ITGAE: variants seen among roughly 807,000 people sequenced by gnomAD.
ITGAE encodes integrin subunit alpha E.
Under a neutral mutation model 136.5 loss-of-function variants are expected in ITGAE, and 99 were observed. That is an observed-to-expected ratio of 0.73 (90% CI 0.62 to 0.86). The LOEUF is 0.86. ITGAE is among the 40% of genes least tolerant of loss of function. ITGAE has a pLI of 0.00. For synonymous variants in ITGAE, 613 were observed against 591.8 expected, an observed-to-expected ratio of 1.04 and a Z score of -0.52; for missense variants, 1,447 against 1,515.3, an observed-to-expected ratio of 0.95 and a Z score of 0.75.
intron 30 of ITGAE, 144 bp from the exon 31 acceptor site, chr17:3,715,086 ATC>A (rs1191492073): frequency 1.6e-6 from 1 of 613,308 alleles, no homozygotes; most frequent in Non-Finnish European, 2.9e-6. Flanking sequence ...CTTACTCTGA[ATC>A]TCTCCTGGAG....
At chr17:3,736,173 G>A (rs1244144348) in intron 20 of ITGAE, among the ~76,000 whole-genome samples, 1 of 151,994 alleles carries the variant, frequency 6.6e-6, no homozygotes, top group Non-Finnish European at 1.5e-5. Flanking sequence ...AGCCAGGTGT[G>A]GTGCAGGCAC....
chr17:3,722,234 C>T (rs1188664516), intron 28 of ITGAE, among the ~76,000 whole-genome samples: 1 of 151,752 alleles, frequency 6.6e-6, no homozygotes, highest in African/African-American at 2.4e-5. Flanking sequence ...GTAATCCCAG[C>T]ACTTTGGGAG....
intron 13 of ITGAE, 137 bp from the exon 14 acceptor site, chr17:3,753,567 A>G: frequency 8.2e-7 from 1 of 1,212,238 alleles, no homozygotes; most frequent in Non-Finnish European, 1.1e-6. Flanking sequence ...AGAGTAACAG[A>G]AGAGTGGAGG....
At chr17:3,735,568 C>T (rs1190949000) in intron 20 of ITGAE, among the ~76,000 whole-genome samples, 1 of 152,144 alleles carries the variant, frequency 6.6e-6, no homozygotes, top group Non-Finnish European at 1.5e-5. Flanking sequence ...CCTTGGCCTC[C>T]CACAGTGCTG....
At chr17:3,747,546 T>A (rs2051746543) in intron 17 of ITGAE, among the ~76,000 whole-genome samples, 1 of 152,112 alleles carries the variant, frequency 6.6e-6, no homozygotes, top group East Asian at 1.9e-4. Context: ...CCTGACCGCG[T>A]GATCTGCCCG....
At position 3,753,845 on chromosome 17, in the gene ITGAE, C is replaced by T. The variant is rs768613734; in HGVS notation, c.1465G>A (p.Val489Met). Residue 489 changes from valine (V) to methionine (M), a missense_variant, in exon 13 of 31, where the codon GTG (valine) becomes ATG (methionine). Coordinates refer to ENST00000263087, the MANE Select transcript of ITGAE (RefSeq NM_002208.5). ...CTGCCCTCCTTCTGGAGCTCAAACA[C>T]GGCCCCATGATGTTTGTACCGTGGA... is the stretch of plus-strand genomic sequence containing the variant. ...GAPRYKHHGAVFELQKEGREA... is the reference protein window; with the variant it reads ...GAPRYKHHGAMFELQKEGREA... 6 of 1,614,056 alleles carry T rather than the reference C, an allele frequency of 3.7e-6. No individual in the cohort carries two copies. The highest frequency in any genetic ancestry group is 1.1e-5 in the South Asian group (1 of 91,090).
rs184355144 is a variant in ITGAE, at chr17:3,761,103, C to G, written c.508G>C (p.Asp170His). The change falls in exon 6 of 31, where the codon GAT becomes CAT. Residue 170 changes from aspartate to histidine, a missense_variant. Around this residue, in one of 3 missense-constraint regions of ITGAE, gnomAD observed 310 missense variants for 416.1 expected, o/e 0.74. Coordinates refer to ENST00000263087, the MANE Select transcript of ITGAE (RefSeq NM_002208.5). Reference protein sequence around the residue: ...YSNKEGGGEDDVNTARQRRAL... With the variant: ...YSNKEGGGEDHVNTARQRRAL... Reference sequence around the variant, plus strand: ...CGGCGCTGCCTGGCTGTGTTCACATCGTCTTCTCCACCGCCTTCTTTGTTG... The same window carrying G: ...CGGCGCTGCCTGGCTGTGTTCACATGGTCTTCTCCACCGCCTTCTTTGTTG... 2 of 1,612,862 alleles carry G rather than the reference C, an allele frequency of 1.2e-6. No homozygotes were observed. Among genetic ancestry groups the G allele is most frequent in the African/African-American group, 1.3e-5 (1 of 74,908 alleles).
intron 23 of ITGAE, among the ~76,000 whole-genome samples, chr17:3,729,808 T>C (rs2051299767): frequency 6.6e-6 from 1 of 152,172 alleles, no homozygotes; most frequent in Non-Finnish European, 1.5e-5. Flanking sequence ...TTGGCCAGGC[T>C]GGTCTCGAAC....
chr17:3,735,794 C>A (rs147240612), intron 20 of ITGAE, among the ~76,000 whole-genome samples: 217 of 152,328 alleles, frequency 1.4e-3, no homozygotes, highest in Non-Finnish European at 3.0e-3. Context: ...CTGCGTCTCA[C>A]ACGCTCAACC....
At position 3,748,622 on chromosome 17, in the gene ITGAE, G is replaced by A. The variant is rs921104645; in HGVS notation, c.2025-570C>T. On this transcript the variant is annotated intron_variant, in intron 16 of 30. Transcript: ENST00000263087. Reference sequence around the variant, plus strand: ...ACAAAAATACGGTAATAAGGACCGAGGGCTACTGAGACTGGGTGGTCACAG... The same window carrying A: ...ACAAAAATACGGTAATAAGGACCGAAGGCTACTGAGACTGGGTGGTCACAG... Among the ~76,000 whole-genome samples, 13 of 152,112 alleles carry A rather than the reference G, an allele frequency of 8.5e-5. 1 individual carries two copies. The East Asian group carries it at 1.9e-3, about 23-fold the overall frequency.
In ITGAE at chr17:3,734,928, G is replaced by A; in HGVS notation, c.2544C>T (p.Leu848=). 1 of 1,614,184 alleles carries A rather than the reference G, an allele frequency of 6.2e-7. No individual in the cohort carries two copies. Among genetic ancestry groups the A allele is most frequent in the Non-Finnish European group, 8.5e-7 (1 of 1,180,022 alleles). ...TAATGTTCAGGGTCAGCTCCTTTGT[G>A]AGACCCACCACCAACTCCTGCCTGC... ...TVSQQELVVG[L]TKELTLNINL... Residue 848 remains leucine, a synonymous_variant, in exon 21 of 31, where the codon CTC becomes CTT. Transcript: ENST00000263087.
At chr17:3,742,436 A>G (rs2051608666) in intron 19 of ITGAE, among the ~76,000 whole-genome samples, 3 of 149,544 alleles carry the variant, frequency 2.0e-5, no homozygotes, top group Non-Finnish European at 1.5e-5. Flanking sequence ...TTTTTAGGAA[A>G]TATATATTGA....
chr17:3,756,400 ATTT>A (rs34579296), intron 10 of ITGAE, among the ~76,000 whole-genome samples: 4 of 119,370 alleles, frequency 3.4e-5, no homozygotes, highest in Non-Finnish European at 1.8e-5. Flanking sequence ...CGCCTGGCTA[ATTT>A]TTTTTTTTTT....
chr17:3,777,294 G>A (rs1302451537), intron 2 of ITGAE, among the ~76,000 whole-genome samples: 1 of 152,176 alleles, frequency 6.6e-6, no homozygotes, highest in African/African-American at 2.4e-5. Flanking sequence ...CCTCCCCCTG[G>A]GCAATGGAGC....
chr17:3,724,346 C>T, intron 26 of ITGAE: 2 of 1,596,434 alleles, frequency 1.3e-6, no homozygotes, highest in South Asian at 2.2e-5. Context: ...GACTTCCGCC[C>T]TTCCCCAGCC....
chr17:3,780,967 G>C (rs548716072), intron 1 of ITGAE, among the ~76,000 whole-genome samples: 4 of 152,288 alleles, frequency 2.6e-5, no homozygotes, highest in African/African-American at 9.6e-5. Flanking sequence ...GCCTCCCCAA[G>C]TGCTGGGATT....
At chr17:3,791,124 C>A (rs1160874603) in intron 1 of ITGAE, among the ~76,000 whole-genome samples, 1 of 142,566 alleles carries the variant, frequency 7.0e-6, no homozygotes, top group East Asian at 2.1e-4. Flanking sequence ...CACTGCACTC[C>A]AGCCTGGGCG....
intron 20 of ITGAE, among the ~76,000 whole-genome samples, chr17:3,737,295 A>C (rs887332859): frequency 6.8e-6 from 1 of 148,018 alleles, no homozygotes; most frequent in Non-Finnish European, 1.5e-5. Flanking sequence ...CCTGTCTCAA[A>C]AGAAGAAGAA....
At chr17:3,796,412 T>C (rs946694801) in intron 1 of ITGAE, among the ~76,000 whole-genome samples, 9 of 152,114 alleles carry the variant, frequency 5.9e-5, no homozygotes, top group African/African-American at 1.9e-4. Flanking sequence ...GTTCAAATCC[T>C]CACTGCCTTG....
Sources: gnomAD v4.1 joint callset for allele counts (sites outside exome capture counted in the v4.1 genomes callset) on GRCh38, gnomAD v4.1.1 for gene constraint, gnomAD v4.1.1 regional missense constraint, MANE v1.5 for transcripts, NCBI Gene and HGNC (gene_info 2026-07-23, HGNC 2026-07-21) for gene names.